Variants in MDGA2 observed in about 807,000 individuals in gnomAD.
MDGA2 encodes MAM domain-containing glycosylphosphatidylinositol anchor protein 2.
In MDGA2, 40 loss-of-function variants were observed where a neutral mutation model predicts 117.8. The ratio of observed to expected loss-of-function variants is 0.34; its 90% CI spans 0.26 to 0.44. The LOEUF (loss-of-function observed/expected upper bound fraction) is 0.44. Among genes scored for constraint, MDGA2 ranks in the 20% least tolerant of loss-of-function variants. MDGA2 has a pLI of 1.00. For missense variants in MDGA2, 1,123 were observed against 1,250.6 expected (o/e 0.90, Z 1.54); for synonymous variants, 452 against 439.0 (o/e 1.03, Z -0.37).
At chr14:47,251,931 G>GTATCATTATTATTAT (rs1555367010) in intron 2 of MDGA2, among the ~76,000 whole-genome samples, 18 of 150,454 alleles carry the variant, frequency 1.2e-4, no homozygotes, top group African/African-American at 2.2e-4. Flanking sequence ...GGTTTCTCTT[G>GTATCATTATTATTAT]TATTATTATT....
intron 1 of MDGA2, 91 bp downstream of exon 1, chr14:47,674,426 G>T: frequency 9.0e-7 from 1 of 1,113,786 alleles, no homozygotes; most frequent in Non-Finnish European, 1.3e-6. Flanking sequence ...GCCGGGAGGG[G>T]CCCCGGAACG....
intron 1 of MDGA2, among the ~76,000 whole-genome samples, chr14:47,370,643 T>C (rs145795236): frequency 6.6e-6 from 1 of 151,266 alleles, no homozygotes; most frequent in East Asian, 1.9e-4. Context: ...GTTTATATTG[T>C]ATATAATTCA....
At chr14:47,470,456 T>C (rs920503958) in intron 1 of MDGA2, among the ~76,000 whole-genome samples, 2 of 152,172 alleles carry the variant, frequency 1.3e-5, no homozygotes, top group African/African-American at 4.8e-5. Context: ...CATCCTTTTT[T>C]ATGGCTGCAT....
intron 8 of MDGA2, among the ~76,000 whole-genome samples, chr14:47,016,369 T>C (rs888671939): frequency 3.3e-5 from 5 of 152,100 alleles, no homozygotes; most frequent in African/African-American, 9.6e-5. Context: ...TCAGTTATTA[T>C]ATTACATCCT....
intron 3 of MDGA2, among the ~76,000 whole-genome samples, chr14:47,172,072 A>C (rs1184182261): frequency 6.6e-6 from 1 of 152,132 alleles, no homozygotes; most frequent in Non-Finnish European, 1.5e-5. Context: ...ATCAAACTGC[A>C]AGGTGGCAGC....
intron 1 of MDGA2, among the ~76,000 whole-genome samples, chr14:47,370,468 G>GTCTTTTTTTTTTTTTT (rs1891322901): frequency 4.8e-5 from 1 of 20,684 alleles, no homozygotes; most frequent in African/African-American, 1.3e-4. Context: ...TCTACTTACT[G>GTCTTTTTTTTTTTTTT]TTTTTTTTTT....
At chr14:47,061,904 T>G (rs889282676) in intron 6 of MDGA2, among the ~76,000 whole-genome samples, 1 of 152,056 alleles carries the variant, frequency 6.6e-6, no homozygotes, top group Non-Finnish European at 1.5e-5. Context: ...AAATGACAGA[T>G]TCTATGTAGT....
At chr14:47,111,641 T>C (rs1006981995) in intron 5 of MDGA2, among the ~76,000 whole-genome samples, 3 of 152,174 alleles carry the variant, frequency 2.0e-5, no homozygotes, top group Non-Finnish European at 4.4e-5. Flanking sequence ...ACTTTTTAAT[T>C]GGCTCAGTGA....
intron 6 of MDGA2, among the ~76,000 whole-genome samples, chr14:47,082,920 A>G (rs1890761009): frequency 6.6e-6 from 1 of 152,022 alleles, no homozygotes; most frequent in Non-Finnish European, 1.5e-5. Flanking sequence ...AAAAAAAATT[A>G]AATAAGTGAA....
intron 14 of MDGA2, among the ~76,000 whole-genome samples, chr14:46,872,932 C>G (rs1454147116): frequency 6.6e-6 from 1 of 151,842 alleles, no homozygotes; most frequent in Non-Finnish European, 1.5e-5. Flanking sequence ...TCTTTGTATG[C>G]TGTGCAGGAC....
At chr14:47,583,398 G>T (rs922403725) in intron 1 of MDGA2, among the ~76,000 whole-genome samples, 9 of 151,786 alleles carry the variant, frequency 5.9e-5, no homozygotes, top group African/African-American at 2.2e-4. Context: ...GATTCACCTT[G>T]ACAATTCTCA....
At chr14:46,906,768 A>T (rs957900847) in intron 10 of MDGA2, among the ~76,000 whole-genome samples, 1 of 152,076 alleles carries the variant, frequency 6.6e-6, no homozygotes, top group African/African-American at 2.4e-5. Context: ...TATTAAAATG[A>T]TGTATAACCA....
intron 10 of MDGA2, among the ~76,000 whole-genome samples, chr14:46,887,177 A>T (rs1182158920): frequency 6.6e-6 from 1 of 152,020 alleles, no homozygotes; most frequent in East Asian, 1.9e-4. Flanking sequence ...TTAAGAAAAA[A>T]AATACATCTA....
intron 1 of MDGA2, among the ~76,000 whole-genome samples, chr14:47,614,004 TG>T (rs1896901247): frequency 6.6e-6 from 1 of 151,886 alleles, no homozygotes. Flanking sequence ...TTAGAAGTTA[TG>T]ATAAACTTTT....
At chr14:47,465,319 A>G (rs1893578829) in intron 1 of MDGA2, among the ~76,000 whole-genome samples, 1 of 152,214 alleles carries the variant, frequency 6.6e-6, no homozygotes, top group African/African-American at 2.4e-5. Flanking sequence ...AACAAAAGGA[A>G]AAATTGACTA....
intron 2 of MDGA2, among the ~76,000 whole-genome samples, chr14:47,232,506 A>G (rs535675714): frequency 1.6e-4 from 24 of 152,056 alleles, no homozygotes; most frequent in Non-Finnish European, 2.4e-4. Context: ...AATGAATTCT[A>G]TTGTCTGCAA....
Position 46,933,851 on chromosome 14 carries a change from T to C in MDGA2, c.2090-13691A>G, listed in dbSNP as rs1348483799. 2.2e-4 allele frequency among the ~76,000 whole-genome samples: 19 copies of C among 86,554 alleles called. No individual in the cohort carries two copies. The South Asian group carries it at 3.3e-3, about 15-fold the overall frequency. 56.8% of individuals were successfully genotyped at this position (86,554 alleles called of 152,430 possible). A position where few individuals can be genotyped will look rare whatever the true frequency, so the allele number is the denominator to read the frequency against. ...ATATATATATATATATATATATATATACTTTTCTTGGACAATATAAAATAA... is the reference window on the plus strand; with the variant it reads ...ATATATATATATATATATATATATACACTTTTCTTGGACAATATAAAATAA... On this transcript the variant is annotated intron_variant, in intron 9 of 16. Coordinates refer to ENST00000399232, the MANE Select transcript of MDGA2 (RefSeq NM_001113498.3).
At chr14:47,065,888 T>C (rs1890062242) in intron 6 of MDGA2, among the ~76,000 whole-genome samples, 1 of 152,198 alleles carries the variant, frequency 6.6e-6, no homozygotes, top group Admixed American at 6.6e-5. Context: ...AATCAGGTTG[T>C]AGGATTCTGG....
chr14:46,979,012 G>T (rs186998240), intron 8 of MDGA2, among the ~76,000 whole-genome samples: 169 of 152,190 alleles, frequency 1.1e-3, no homozygotes, highest in Admixed American at 2.8e-3. Flanking sequence ...ACAAATTGAA[G>T]ATCTGTGCCA....
Sources: gnomAD v4.1 joint callset for allele counts (sites outside exome capture counted in the v4.1 genomes callset) on GRCh38, gnomAD v4.1.1 for gene constraint, MANE v1.5 for transcripts, NCBI Gene and HGNC (gene_info 2026-07-23, HGNC 2026-07-21) for gene names.